The following ALCAM variants were observed in gnomAD, a reference collection of about 807,000 sequenced individuals.
ALCAM encodes the protein CD166 antigen.
In ALCAM, 30 loss-of-function variants were observed where a neutral mutation model predicts 70.9. That is an observed-to-expected ratio of 0.42 (90% CI 0.32 to 0.57). The LOEUF is 0.57. Ranked by LOEUF, ALCAM falls within the 20% of genes least tolerant of loss-of-function variation. The pLI, the probability that ALCAM is intolerant of heterozygous loss-of-function variation, is 0.11. For synonymous variants in ALCAM, 249 were observed against 242.5 expected, an observed-to-expected ratio of 1.03 and a Z score of -0.25; for missense variants, 591 against 695.1, an observed-to-expected ratio of 0.85 and a Z score of 1.68.
chr3:105,566,099 A>T (rs1005795980), intron 14 of ALCAM, among the ~76,000 whole-genome samples: 2 of 152,182 alleles, frequency 1.3e-5, no homozygotes, highest in African/African-American at 4.8e-5. Flanking sequence ...TTGTTCTTTT[A>T]TTCTTTTTCT....
rs375220463 is a variant in ALCAM, at chr3:105,436,405, C to T, written c.73+68924C>T. Among the ~76,000 whole-genome samples, 49 of 152,148 alleles carry T rather than the reference C, an allele frequency of 3.2e-4. 1 individual carries two copies. The South Asian group carries it at 5.2e-3, about 16-fold the overall frequency. On this transcript the variant is annotated intron_variant, in intron 1 of 15. Transcript: ENST00000306107. ...TCGCCCAGGCTGGAGTGCAGTGGTG[C>T]GATCTTGGCTCACCACAAGCTCTGC...
chr3:105,528,066 A>G (rs1382529588), intron 3 of ALCAM, among the ~76,000 whole-genome samples: 1 of 152,154 alleles, frequency 6.6e-6, no homozygotes, highest in Admixed American at 6.6e-5. Context: ...TTGCTGACAA[A>G]GTACTGGGAG....
chr3:105,433,116 A>C (rs140033567), intron 1 of ALCAM, among the ~76,000 whole-genome samples: 137 of 152,296 alleles, frequency 9.0e-4, no homozygotes, highest in African/African-American at 3.1e-3. Flanking sequence ...ACTCTTGCTT[A>C]TGGCTATAAT....
chr3:105,382,246 A>G (rs1465138250), intron 1 of ALCAM, among the ~76,000 whole-genome samples: 1 of 151,992 alleles, frequency 6.6e-6, no homozygotes, highest in East Asian at 1.9e-4. Context: ...AATTTCATCC[A>G]TGTCCCTACA....
At chr3:105,492,746 G>T (rs1374609528) in intron 1 of ALCAM, among the ~76,000 whole-genome samples, 1 of 152,076 alleles carries the variant, frequency 6.6e-6, no homozygotes, top group Non-Finnish European at 1.5e-5. Context: ...TATTTTTGGG[G>T]TATTAATTTT....
Position 105,367,317 on chromosome 3 carries a change from ACCCGCCAGCGCGCGGGCACCGCGGGG to A in ALCAM, c.-87_-62del. ...GAGAAGACGCTGCCCCTGCGTCGGG[ACCCGCCAGCGCGCGGGCACCGCGGGG>A]CCCGGGACGACGCCCCCTCCTGCGG... On this transcript the variant is annotated 5_prime_UTR_variant, in exon 1 of 16. Coordinates refer to ENST00000306107, the MANE Select transcript of ALCAM (RefSeq NM_001627.4). 1 of 1,334,982 alleles carries A rather than the reference ACCCGCCAGCGCGCGGGCACCGCGGGG, an allele frequency of 7.5e-7. No individual in the cohort carries two copies. The highest frequency in any genetic ancestry group is 1.1e-6 in the Non-Finnish European group (1 of 946,344). 82.7% of individuals were successfully genotyped at this position (1,334,982 alleles called of 1,614,324 possible).
intron 1 of ALCAM, among the ~76,000 whole-genome samples, chr3:105,411,959 G>C (rs1936400650): frequency 6.6e-6 from 1 of 152,012 alleles, no homozygotes; most frequent in Non-Finnish European, 1.5e-5. Flanking sequence ...AAAAATTTAT[G>C]TTGTAAACAG....
At chr3:105,503,218 A>G (rs1239055167) in intron 1 of ALCAM, among the ~76,000 whole-genome samples, 1 of 152,050 alleles carries the variant, frequency 6.6e-6, no homozygotes, top group Non-Finnish European at 1.5e-5. Flanking sequence ...TTTGCTTTGG[A>G]CTCTTCTACT....
chr3:105,487,872 A>T (rs1235465886), intron 1 of ALCAM, among the ~76,000 whole-genome samples: 8 of 152,134 alleles, frequency 5.3e-5, no homozygotes. Flanking sequence ...ACAATGACCA[A>T]GGGGCTTGCA....
chr3:105,482,107 G>A (rs73189028), intron 1 of ALCAM, among the ~76,000 whole-genome samples: 20,017 of 151,916 alleles, frequency 0.13, 1,394 homozygotes, highest in Middle Eastern at 0.18. Flanking sequence ...ATATTAATTC[G>A]TATTTTATTT....
intron 1 of ALCAM, among the ~76,000 whole-genome samples, chr3:105,451,301 T>G (rs1937422232): frequency 1.3e-4 from 15 of 119,840 alleles, no homozygotes; most frequent in East Asian, 4.7e-4. Context: ...AGGAAGGAAA[T>G]GAAGGAAGGG....
At chr3:105,375,196 G>C (rs1432504452) in intron 1 of ALCAM, among the ~76,000 whole-genome samples, 1 of 152,136 alleles carries the variant, frequency 6.6e-6, no homozygotes, top group Non-Finnish European at 1.5e-5. Context: ...TTATTAGTAG[G>C]TTGACCATTC....
At chr3:105,545,716 T>C (rs922406897) in intron 9 of ALCAM, among the ~76,000 whole-genome samples, 2 of 151,496 alleles carry the variant, frequency 1.3e-5, no homozygotes, top group Non-Finnish European at 3.0e-5. Context: ...AATACAAAGA[T>C]TATTATTTTC....
intron 1 of ALCAM, among the ~76,000 whole-genome samples, chr3:105,495,636 A>G (rs1156822873): frequency 6.6e-6 from 1 of 152,228 alleles, no homozygotes; most frequent in Non-Finnish European, 1.5e-5. Context: ...TACTTAAAGT[A>G]TGCAAAGCAC....
Position 105,571,889 on chromosome 3 carries a change from A to C in ALCAM, c.1702A>C (p.Met568Leu). 1 of 1,613,630 alleles carries C rather than the reference A, an allele frequency of 6.2e-7. No homozygotes were observed. The highest frequency in any genetic ancestry group is 1.1e-5 in the South Asian group (1 of 91,046). Reference protein sequence around the residue: ...SKHVNKDLGNMEENKKLEENN... With the variant: ...SKHVNKDLGNLEENKKLEENN... Reference sequence around the variant, plus strand: ...ACATGTAAACAAGGACCTCGGTAATATGGAAGAAAACAAAAAGTTAGAAGA... The same window carrying C: ...ACATGTAAACAAGGACCTCGGTAATCTGGAAGAAAACAAAAAGTTAGAAGA... Residue 568 changes from methionine to leucine, a missense_variant, in exon 15 of 16, where the codon ATG becomes CTG. Met to Leu is a conservative substitution (Grantham distance 15, BLOSUM62 2). Around this residue, in one of 2 missense-constraint regions of ALCAM, gnomAD observed 164 missense variants for 244.7 expected, o/e 0.67. Transcript: ENST00000306107.
intron 14 of ALCAM, among the ~76,000 whole-genome samples, chr3:105,557,608 C>T (rs1041999799): frequency 6.6e-5 from 10 of 152,152 alleles, no homozygotes; most frequent in African/African-American, 2.4e-4. Context: ...TGGCATGAGC[C>T]AGGCTGTATG....
intron 1 of ALCAM, among the ~76,000 whole-genome samples, chr3:105,406,792 AC>A (rs1936246112): frequency 6.6e-6 from 1 of 151,726 alleles, no homozygotes; most frequent in South Asian, 2.1e-4. Flanking sequence ...GGTAAATAAA[AC>A]TGATAGATCA....
At chr3:105,532,212 C>G (rs1188686349) in intron 4 of ALCAM, 146 bp downstream of exon 4, 2 of 698,100 alleles carry the variant, frequency 2.9e-6, no homozygotes, top group Non-Finnish European at 5.0e-6. Flanking sequence ...ATCTACAAGG[C>G]ACAGAGGGTA....
At chr3:105,542,948 G>C (rs543763186) in intron 8 of ALCAM, among the ~76,000 whole-genome samples, 19 of 151,718 alleles carry the variant, frequency 1.3e-4, no homozygotes, top group Non-Finnish European at 2.7e-4. Context: ...GTAGCTTCCA[G>C]TATAACAATA....
Sources: gnomAD v4.1 joint callset for allele counts (sites outside exome capture counted in the v4.1 genomes callset) on GRCh38, gnomAD v4.1.1 for gene constraint, gnomAD v4.1.1 regional missense constraint, MANE v1.5 for transcripts, NCBI Gene and HGNC (gene_info 2026-07-23, HGNC 2026-07-21) for gene names.